DEPDC1B: variants seen among roughly 807,000 people sequenced by gnomAD.
DEPDC1B encodes DEP domain-containing protein 1B.
A neutral mutation model predicts 66.5 loss-of-function variants in DEPDC1B; 51 were observed. The observed-to-expected ratio is 0.77, with a 90% CI of 0.61 to 0.97. The LOEUF is 0.97. DEPDC1B is among the 50% of genes least tolerant of loss of function. The probability of loss-of-function intolerance (pLI) is 0.00; values close to 1 mark genes in which losing one functional copy is unlikely to be tolerated. For missense variants in DEPDC1B, 552 were observed against 637.1 expected (o/e 0.87, Z 1.44); for synonymous variants, 226 against 223.6 (o/e 1.01, Z -0.10).
intron 7 of DEPDC1B, among the ~76,000 whole-genome samples, chr5:60,621,907 T>C (rs975807582): frequency 2.0e-5 from 3 of 152,194 alleles, no homozygotes; most frequent in African/African-American, 7.2e-5. Context: ...TCATATGATA[T>C]ACTGATTTTC....
At chr5:60,652,367 T>C (rs911690068) in intron 2 of DEPDC1B, among the ~76,000 whole-genome samples, 1 of 148,910 alleles carries the variant, frequency 6.7e-6, no homozygotes, top group Non-Finnish European at 1.5e-5. Context: ...AAGGGATGTA[T>C]TGTGAAATTG....
intron 2 of DEPDC1B, among the ~76,000 whole-genome samples, chr5:60,654,004 A>T (rs912732340): frequency 3.3e-5 from 5 of 149,276 alleles, no homozygotes; most frequent in Non-Finnish European, 7.4e-5. Context: ...TTTGGTGACT[A>T]TAGGTTTATA....
intron 7 of DEPDC1B, among the ~76,000 whole-genome samples, chr5:60,613,358 C>T (rs1474616781): frequency 2.5e-4 from 38 of 152,166 alleles, no homozygotes; most frequent in Admixed American, 2.5e-3. Context: ...CAGGTCAACA[C>T]TTGAAATATA....
At chr5:60,622,972 A>G (rs1271883644) in intron 7 of DEPDC1B, among the ~76,000 whole-genome samples, 1 of 152,156 alleles carries the variant, frequency 6.6e-6, no homozygotes, top group Non-Finnish European at 1.5e-5. Context: ...TATATTTCAA[A>G]GAGCAGAAAT....
intron 9 of DEPDC1B, among the ~76,000 whole-genome samples, chr5:60,599,773 C>T (rs891893291): frequency 6.6e-6 from 1 of 152,234 alleles, no homozygotes; most frequent in Non-Finnish European, 1.5e-5. Context: ...CCCTTTATTT[C>T]ACCCACCCCT....
At chr5:60,625,123 A>G (rs1752783947) in intron 7 of DEPDC1B, among the ~76,000 whole-genome samples, 1 of 152,072 alleles carries the variant, frequency 6.6e-6, no homozygotes, top group Admixed American at 6.5e-5. Flanking sequence ...TATGTGCTAC[A>G]TTGTCTTCAT....
At chr5:60,599,900 C>T (rs957776858) in intron 9 of DEPDC1B, among the ~76,000 whole-genome samples, 2 of 138,260 alleles carry the variant, frequency 1.4e-5, no homozygotes, top group Non-Finnish European at 3.1e-5. Context: ...CCCCTGATTT[C>T]CCACTCCACA....
At chr5:60,602,173 A>T (rs1729316129) in intron 9 of DEPDC1B, among the ~76,000 whole-genome samples, 1 of 133,586 alleles carries the variant, frequency 7.5e-6, no homozygotes, top group Non-Finnish European at 1.6e-5. Context: ...GAGGGAAGGA[A>T]GGAAGGGAGG....
intron 1 of DEPDC1B, among the ~76,000 whole-genome samples, chr5:60,692,819 C>T (rs746020100): frequency 3.9e-5 from 6 of 152,090 alleles, no homozygotes; most frequent in South Asian, 4.2e-4. Flanking sequence ...TGAAAATGAA[C>T]GAACTATTGC....
At chr5:60,625,070 T>C (rs1169748840) in intron 7 of DEPDC1B, among the ~76,000 whole-genome samples, 1 of 152,186 alleles carries the variant, frequency 6.6e-6, no homozygotes, top group East Asian at 1.9e-4. Context: ...GCAAAGGACA[T>C]GAACTCGTCA....
intron 7 of DEPDC1B, among the ~76,000 whole-genome samples, chr5:60,632,181 A>G (rs892635208): frequency 6.6e-6 from 1 of 152,212 alleles, no homozygotes; most frequent in Non-Finnish European, 1.5e-5. Flanking sequence ...CACCAGGGGC[A>G]CTAAAAGGCC....
Position 60,603,420 on chromosome 5 carries a change from C to T in DEPDC1B, c.1213G>A (p.Glu405Lys), listed in dbSNP as rs1435736279. The change falls in exon 9 of 11, where the codon GAG becomes AAG. Residue 405 changes from glutamate to lysine, a missense_variant. Coordinates refer to ENST00000265036, the MANE Select transcript of DEPDC1B (RefSeq NM_018369.3). ...VPLALQTSIE[E>K]RVAHLRRVQI... The stretch of plus-strand genomic sequence containing the variant: ...ACTCTTCGTAGATGAGCCACACGCT[C>T]CTCTATAGAGGTCTGCAAGGCCAAA... 6 of 1,604,758 alleles carry T rather than the reference C, an allele frequency of 3.7e-6. No homozygotes were observed. The highest frequency in any genetic ancestry group is 5.1e-6 in the Non-Finnish European group (6 of 1,177,168).
chr5:60,614,209 T>G (rs1752485222), intron 7 of DEPDC1B, among the ~76,000 whole-genome samples: 1 of 152,194 alleles, frequency 6.6e-6, no homozygotes, highest in Non-Finnish European at 1.5e-5. Context: ...GAGCCTTGAT[T>G]TTATCTTTTC....
intron 6 of DEPDC1B, among the ~76,000 whole-genome samples, chr5:60,642,049 A>G (rs115015493): frequency 0.019 from 2,933 of 152,302 alleles, 91 homozygotes; most frequent in African/African-American, 0.066. Context: ...ATAATCAAAC[A>G]AAACTAATTT....
At chr5:60,691,055 CTTTT>C (rs58826050) in intron 1 of DEPDC1B, among the ~76,000 whole-genome samples, 1 of 139,270 alleles carries the variant, frequency 7.2e-6, no homozygotes. Context: ...ACTTTTTCTA[CTTTT>C]TTTTTTTTTT....
intron 7 of DEPDC1B, among the ~76,000 whole-genome samples, chr5:60,611,800 G>A (rs1416714407): frequency 6.6e-6 from 1 of 152,222 alleles, no homozygotes; most frequent in Non-Finnish European, 1.5e-5. Flanking sequence ...TATGAGGTTT[G>A]AGGAAAGAGG....
intron 1 of DEPDC1B, among the ~76,000 whole-genome samples, chr5:60,694,446 A>T (rs1373709705): frequency 6.6e-6 from 1 of 152,168 alleles, no homozygotes; most frequent in Non-Finnish European, 1.5e-5. Context: ...GCTTTTGTTT[A>T]CTTTTGATAG....
chr5:60,603,248 T>C, intron 9 of DEPDC1B, 143 bp downstream of exon 9: 1 of 645,104 alleles, frequency 1.6e-6, no homozygotes, highest in Non-Finnish European at 2.3e-6. Flanking sequence ...ATGCAGGGGA[T>C]TACTATGTGC....
intron 7 of DEPDC1B, among the ~76,000 whole-genome samples, chr5:60,613,788 TTGTGTGTGTGTGTGTGTGTG>T (rs36109910): frequency 1.9e-5 from 2 of 103,314 alleles, no homozygotes; most frequent in African/African-American, 4.2e-5. Context: ...ACATATGTAT[TTGTGTGTGTGTGTGTGTGTG>T]TGTGTGTGTG....
Sources: gnomAD v4.1 joint callset for allele counts (sites outside exome capture counted in the v4.1 genomes callset) on GRCh38, gnomAD v4.1.1 for gene constraint, MANE v1.5 for transcripts, NCBI Gene and HGNC (gene_info 2026-07-23, HGNC 2026-07-21) for gene names.